CACNA2D3: variants seen among roughly 807,000 people sequenced by gnomAD.
CACNA2D3 encodes the protein voltage-dependent calcium channel subunit alpha-2/delta-3.
A neutral mutation model predicts 160.6 loss-of-function variants in CACNA2D3; 60 were observed. The observed-to-expected ratio is 0.37, with a 90% confidence interval of 0.30 to 0.46. The LOEUF is 0.46. Ranked by LOEUF, CACNA2D3 falls within the 20% of genes least tolerant of loss-of-function variation. The probability of loss-of-function intolerance (pLI) is 1.00; values close to 1 mark genes in which losing one functional copy is unlikely to be tolerated. For missense variants in CACNA2D3, 1,205 were observed against 1,365.0 expected (o/e 0.88, Z 1.85); for synonymous variants, 558 against 492.9 (o/e 1.13, Z -1.75).
At chr3:54,569,679 T>A (rs1702463329) in intron 6 of CACNA2D3, 116 bp from the exon 7 acceptor site, 5 of 820,448 alleles carry the variant, frequency 6.1e-6, no homozygotes, top group Non-Finnish European at 1.0e-5. Flanking sequence ...CTGGGGTTGG[T>A]CTTTGCATGT....
intron 13 of CACNA2D3, among the ~76,000 whole-genome samples, chr3:54,781,090 A>G (rs1414299042): frequency 6.6e-6 from 1 of 152,094 alleles, no homozygotes; most frequent in African/African-American, 2.4e-5. Context: ...AATAATCTTA[A>G]TTTTAACTAT....
intron 17 of CACNA2D3, among the ~76,000 whole-genome samples, chr3:54,865,453 C>T (rs1328859792): frequency 6.6e-6 from 1 of 152,164 alleles, no homozygotes; most frequent in African/African-American, 2.4e-5. Context: ...GGAGTAGGGG[C>T]TGACAGAGGC....
intron 2 of CACNA2D3, among the ~76,000 whole-genome samples, chr3:54,253,208 A>C (rs1702229735): frequency 6.6e-6 from 1 of 151,844 alleles, no homozygotes; most frequent in South Asian, 2.1e-4. Context: ...TTCTGAGAGC[A>C]AGAGAGTATG....
intron 4 of CACNA2D3, among the ~76,000 whole-genome samples, chr3:54,391,069 C>T (rs1699271137): frequency 2.0e-5 from 3 of 152,044 alleles, no homozygotes; most frequent in Admixed American, 2.0e-4. Context: ...TATATCTTAG[C>T]TTCCGTCTTC....
intron 27 of CACNA2D3, among the ~76,000 whole-genome samples, chr3:54,941,431 A>G (rs541665467): frequency 6.6e-6 from 1 of 152,276 alleles, no homozygotes; most frequent in South Asian, 2.1e-4. Context: ...TTTTCAAACT[A>G]CTTATTGGCC....
intron 27 of CACNA2D3, among the ~76,000 whole-genome samples, chr3:54,959,713 TTTC>T (rs1701985337): frequency 6.6e-6 from 1 of 152,200 alleles, no homozygotes; most frequent in Non-Finnish European, 1.5e-5. Context: ...GCTTAAATGT[TTTC>T]TTCTGAAAGG....
intron 11 of CACNA2D3, among the ~76,000 whole-genome samples, chr3:54,734,168 G>A (rs1018566553): frequency 6.6e-6 from 1 of 152,156 alleles, no homozygotes; most frequent in Non-Finnish European, 1.5e-5. Flanking sequence ...CTTAGCAACG[G>A]GGTAGCATTG....
In CACNA2D3 at chr3:54,402,822, A is replaced by G. The variant is rs139750344; in HGVS notation, c.381+16048A>G. Among the ~76,000 whole-genome samples, 429 of 152,334 alleles carry G rather than the reference A, an allele frequency of 2.8e-3. 2 individuals carry two copies. Among genetic ancestry groups the G allele is most frequent in the African/African-American group, 0.01 (419 of 41,562 alleles). On this transcript the variant is annotated intron_variant, in intron 4 of 37. Transcript: ENST00000474759. Reference sequence around the variant, plus strand: ...CAACTTTCCATCCAACAGCAGCAGAATATACATTCTTCTCTAGTGCACGTG... The same window carrying G: ...CAACTTTCCATCCAACAGCAGCAGAGTATACATTCTTCTCTAGTGCACGTG...
chr3:54,871,544 A>C lies in CACNA2D3; in HGVS notation c.1632A>C (p.Glu544Asp), dbSNP rs1418658767. 1 of 1,612,276 alleles carries C rather than the reference A, an allele frequency of 6.2e-7. No individual in the cohort carries two copies. Among genetic ancestry groups the C allele is most frequent in the East Asian group, 2.2e-5 (1 of 44,858 alleles). The part of the protein sequence containing the change: ...LTHPELRLLY[E>D]EGKKRRKPNY... Reference sequence around the variant, plus strand: ...TTTCTTCTTCCCCTTGCTAGTACGAAGAAGGAAAAAAGCGAAGGAAACCTA... The same window carrying C: ...TTTCTTCTTCCCCTTGCTAGTACGACGAAGGAAAAAAGCGAAGGAAACCTA... Residue 544 changes from glutamate (E) to aspartate (D), a missense_variant, in exon 18 of 38, where the codon GAA (glutamate) becomes GAC (aspartate). Transcript: ENST00000474759.
At chr3:54,890,507 A>AG (rs1261292458) in intron 24 of CACNA2D3, among the ~76,000 whole-genome samples, 1 of 151,542 alleles carries the variant, frequency 6.6e-6, no homozygotes, top group Non-Finnish European at 1.5e-5. Context: ...AAAAAAAAAA[A>AG]AAAAAAAGAA....
At chr3:54,284,047 G>A (rs1702949707) in intron 2 of CACNA2D3, among the ~76,000 whole-genome samples, 1 of 152,164 alleles carries the variant, frequency 6.6e-6, no homozygotes, top group South Asian at 2.1e-4. Context: ...GGGCGACACA[G>A]TGAGACTCCA....
At chr3:54,373,945 T>C (rs1698966858) in intron 3 of CACNA2D3, among the ~76,000 whole-genome samples, 1 of 152,230 alleles carries the variant, frequency 6.6e-6, no homozygotes, top group Non-Finnish European at 1.5e-5. Flanking sequence ...TTCACAGCTC[T>C]CTGCACTTTG....
chr3:54,817,192 T>C (rs1224205468), intron 14 of CACNA2D3, among the ~76,000 whole-genome samples: 4 of 152,204 alleles, frequency 2.6e-5, no homozygotes, highest in Non-Finnish European at 5.9e-5. Flanking sequence ...TTCCAGGCCT[T>C]CTCTGAGGTA....
rs187902178 is a variant in CACNA2D3, at chr3:55,065,760, C to T, written c.2988-7685C>T. Among the ~76,000 whole-genome samples the T allele has an allele frequency of 6.7e-4, 101 of 151,038 alleles. No homozygotes were observed. In the Middle Eastern group the frequency reaches 0.014, roughly 20 times the overall value. ...AGGAAAGGGAAGGAAAGGAAGGAAA[C>T]GAAAGAAAAAAAAATTGTTTCATGT... On this transcript the variant is annotated intron_variant, in intron 35 of 37. Coordinates refer to ENST00000474759, the MANE Select transcript of CACNA2D3 (RefSeq NM_018398.3).
intron 3 of CACNA2D3, among the ~76,000 whole-genome samples, chr3:54,342,693 C>T (rs146333166): frequency 1.1e-4 from 17 of 152,308 alleles, no homozygotes; most frequent in South Asian, 4.1e-4. Context: ...TTGAAAACAC[C>T]TCCTGAGTTT....
intron 11 of CACNA2D3, among the ~76,000 whole-genome samples, chr3:54,703,567 T>G (rs1700805526): frequency 6.6e-6 from 1 of 152,200 alleles, no homozygotes; most frequent in African/African-American, 2.4e-5. Flanking sequence ...GAAGGTTCAA[T>G]AACCGTTGAC....
At chr3:54,312,487 T>C (rs1703763724) in intron 2 of CACNA2D3, among the ~76,000 whole-genome samples, 1 of 152,130 alleles carries the variant, frequency 6.6e-6, no homozygotes, top group Admixed American at 6.6e-5. Flanking sequence ...GAGCTCCCTC[T>C]CTGGGGGCTG....
chr3:54,723,221 A>G (rs1701206980), intron 11 of CACNA2D3, among the ~76,000 whole-genome samples: 1 of 152,202 alleles, frequency 6.6e-6, no homozygotes, highest in Non-Finnish European at 1.5e-5. Flanking sequence ...AGCCTCAGCA[A>G]TGGCGGACGT....
intron 4 of CACNA2D3, among the ~76,000 whole-genome samples, chr3:54,427,020 C>T (rs1305448916): frequency 6.6e-6 from 1 of 152,074 alleles, no homozygotes; most frequent in African/African-American, 2.4e-5. Flanking sequence ...CTTTCTCCCT[C>T]CCTTCCTCTC....
Sources: allele counts gnomAD v4.1 joint callset (sites outside exome capture counted in the v4.1 genomes callset), GRCh38; gene constraint gnomAD v4.1.1; transcripts MANE v1.5; gene names NCBI Gene and HGNC (gene_info 2026-07-23, HGNC 2026-07-21).